ZC3HAV1: variants seen among roughly 807,000 people sequenced by gnomAD.
ZC3HAV1 encodes zinc finger CCCH-type antiviral protein 1.
ZC3HAV1 carries 41 observed loss-of-function variants against 86.6 expected under a neutral mutation model. That is an observed-to-expected ratio of 0.47 (90% CI 0.37 to 0.61). ZC3HAV1 has a LOEUF of 0.61. ZC3HAV1 is among the 20% of genes least tolerant of loss of function. The probability of loss-of-function intolerance (pLI) is 0.00; values close to 1 mark genes in which losing one functional copy is unlikely to be tolerated. For synonymous variants in ZC3HAV1, 421 were observed against 432.1 expected (o/e 0.97, Z 0.32); for missense variants, 964 against 1,141.1 (o/e 0.84, Z 2.24).
intron 7 of ZC3HAV1, among the ~76,000 whole-genome samples, chr7:139,073,583 C>T (rs572434982): frequency 3.3e-5 from 5 of 152,192 alleles, no homozygotes; most frequent in African/African-American, 4.8e-5. Flanking sequence ...CTCCACCTCC[C>T]GGGTTCAAGA....
At chr7:139,048,534 T>C (rs1317720879) in intron 12 of ZC3HAV1, among the ~76,000 whole-genome samples, 2 of 152,040 alleles carry the variant, frequency 1.3e-5, no homozygotes, top group Non-Finnish European at 2.9e-5. Context: ...GCCCAGGAAG[T>C]TGAGGCTGCA....
At position 139,053,597 on chromosome 7, in the gene ZC3HAV1, T is replaced by C. The variant is rs562644214; in HGVS notation, c.2319-16A>G. The C allele has an allele frequency of 1.3e-6, 2 of 1,577,610 alleles. No individual in the cohort carries two copies. The highest frequency in any genetic ancestry group is 2.3e-5 in the East Asian group (1 of 44,008). ...CGATTTCTTCCTAATATAAGAGATGTGAGACTTAACACGGAGACATCCCCT... is the reference window on the plus strand; with the variant it reads ...CGATTTCTTCCTAATATAAGAGATGCGAGACTTAACACGGAGACATCCCCT... On this transcript the variant is annotated splice_polypyrimidine_tract_variant and intron_variant, in intron 11 of 12. Coordinates refer to ENST00000242351, the MANE Select transcript of ZC3HAV1 (RefSeq NM_020119.4).
intron 12 of ZC3HAV1, 28 bp from the exon 13 acceptor site, chr7:139,047,881 G>C (rs1267712933): frequency 6.3e-7 from 1 of 1,597,038 alleles, no homozygotes; most frequent in African/African-American, 1.4e-5. Context: ...GAAAAGTTAA[G>C]AAATATTATA....
chr7:139,088,598 CATT>C (rs948779714), intron 2 of ZC3HAV1, among the ~76,000 whole-genome samples: 11 of 152,182 alleles, frequency 7.2e-5, no homozygotes, highest in African/African-American at 2.7e-4. Flanking sequence ...TTGATGACAT[CATT>C]GAGTCTAGCT....
intron 2 of ZC3HAV1, among the ~76,000 whole-genome samples, chr7:139,085,198 T>C (rs560714253): frequency 1.3e-5 from 2 of 152,340 alleles, no homozygotes; most frequent in Non-Finnish European, 1.5e-5. Context: ...ACAAACCTTC[T>C]GGATGATTCT....
chr7:139,076,398 T>C lies in ZC3HAV1; in HGVS notation c.1585A>G (p.Lys529Glu). ...KGCPLNGSCS[K>E]VHFHLPYRWQ... The stretch of plus-strand genomic sequence containing the variant: ...CGGTAAGGCAGATGGAAGTGGACTT[T>C]GCTGCAGCTACCTACAAAGACAAAG... Residue 529 changes from lysine to glutamate, a missense_variant, in exon 6 of 13, where the codon AAA becomes GAA. Transcript: ENST00000242351. 1 of 1,614,140 alleles carries C rather than the reference T, an allele frequency of 6.2e-7. No homozygotes were observed. The highest frequency in any genetic ancestry group is 8.5e-7 in the Non-Finnish European group (1 of 1,179,998).
At chr7:139,069,244 C>T (rs1387296762) in intron 7 of ZC3HAV1, among the ~76,000 whole-genome samples, 1 of 152,174 alleles carries the variant, frequency 6.6e-6, no homozygotes, top group Admixed American at 6.5e-5. Flanking sequence ...AGTACTGTTA[C>T]TCCAGGTCTG....
chr7:139,060,982 A>T (rs1475389170), intron 9 of ZC3HAV1, 54 bp downstream of exon 9: 2 of 1,610,888 alleles, frequency 1.2e-6, no homozygotes, highest in Admixed American at 3.3e-5. Flanking sequence ...TGATGAGCCC[A>T]GGGCATGAAC....
intron 9 of ZC3HAV1, among the ~76,000 whole-genome samples, chr7:139,060,016 G>A (rs1816398543): frequency 6.6e-6 from 1 of 152,166 alleles, no homozygotes; most frequent in Non-Finnish European, 1.5e-5. Flanking sequence ...ACCTAGGTGA[G>A]CTAGATCCAG....
At chr7:139,052,166 A>G (rs2130662946) in intron 12 of ZC3HAV1, among the ~76,000 whole-genome samples, 1 of 151,132 alleles carries the variant, frequency 6.6e-6, no homozygotes, top group South Asian at 2.1e-4. Flanking sequence ...TTTAGGGTAC[A>G]TGTGCACAAC....
intron 1 of ZC3HAV1, among the ~76,000 whole-genome samples, chr7:139,097,428 A>ATATATT: frequency 2.5e-4 from 12 of 48,156 alleles, no homozygotes; most frequent in African/African-American, 1.3e-3. Context: ...ATATATATAT[A>ATATATT]TTTTTTTTTT....
chr7:139,076,458 A>G, intron 5 of ZC3HAV1, 49 bp from the exon 6 acceptor site: 1 of 1,607,420 alleles, frequency 6.2e-7, no homozygotes, highest in Middle Eastern at 1.8e-4. Context: ...AGGGATTCTA[A>G]CCAATTCAGT....
intron 1 of ZC3HAV1, among the ~76,000 whole-genome samples, chr7:139,100,047 G>A (rs1350784555): frequency 6.6e-6 from 1 of 151,734 alleles, no homozygotes; most frequent in African/African-American, 2.4e-5. Context: ...AATAAAAATA[G>A]TTTTAGCCAT....
chr7:139,084,447 G>A (rs566999963), intron 2 of ZC3HAV1, among the ~76,000 whole-genome samples: 6 of 152,352 alleles, frequency 3.9e-5, no homozygotes, highest in African/African-American at 1.4e-4. Flanking sequence ...TAGGCAGAAT[G>A]ACATTTCTCA....
At chr7:139,071,688 AC>A (rs550038981) in intron 7 of ZC3HAV1, among the ~76,000 whole-genome samples, 1 of 152,288 alleles carries the variant, frequency 6.6e-6, no homozygotes, top group South Asian at 2.1e-4. Flanking sequence ...ACTCTGTTCC[AC>A]AGAGATGCTA....
chr7:139,093,157 GAAATC>G (rs1219345339), intron 1 of ZC3HAV1, among the ~76,000 whole-genome samples: 1 of 152,088 alleles, frequency 6.6e-6, no homozygotes, highest in East Asian at 1.9e-4. Context: ...GATAAAATGA[GAAATC>G]AAAGGTGACA....
intron 8 of ZC3HAV1, among the ~76,000 whole-genome samples, chr7:139,064,156 G>A (rs776122850): frequency 2.0e-4 from 31 of 152,308 alleles, no homozygotes; most frequent in Middle Eastern, 3.4e-3. Context: ...CCCACTAAGC[G>A]GTACAGGATC....
intron 7 of ZC3HAV1, among the ~76,000 whole-genome samples, chr7:139,069,584 C>T (rs1008908405): frequency 1.3e-5 from 2 of 152,174 alleles, no homozygotes; most frequent in Non-Finnish European, 2.9e-5. Context: ...ATCACTCTAC[C>T]CTACACCATT....
chr7:139,047,565 G>A lies in ZC3HAV1; in HGVS notation c.*29C>T. 2 of 1,612,752 alleles carry A rather than the reference G, an allele frequency of 1.2e-6. No homozygotes were observed. Among genetic ancestry groups the A allele is most frequent in the Non-Finnish European group, 1.7e-6 (2 of 1,179,660 alleles). On this transcript the variant is annotated 3_prime_UTR_variant, in exon 13 of 13. Coordinates refer to ENST00000242351, the MANE Select transcript of ZC3HAV1 (RefSeq NM_020119.4). ...TCTGTAAAGGAACAGAATGGTTATG[G>A]CATCCTTCTGACGCTGTATTCATCG...
Sources: gnomAD v4.1 joint callset for allele counts (sites outside exome capture counted in the v4.1 genomes callset) on GRCh38, gnomAD v4.1.1 for gene constraint, MANE v1.5 for transcripts, NCBI Gene and HGNC (gene_info 2026-07-23, HGNC 2026-07-21) for gene names.